Variants in SYTL2 observed in about 807,000 individuals in gnomAD.
SYTL2 encodes the protein synaptotagmin-like protein 2.
Under a neutral mutation model 198.7 loss-of-function variants are expected in SYTL2, and 165 were observed. The observed-to-expected ratio is 0.83, with a 90% CI of 0.73 to 0.94. The LOEUF is 0.94. SYTL2 is among the 40% of genes least tolerant of loss of function. The pLI, the probability that SYTL2 is intolerant of heterozygous loss-of-function variation, is 0.00. For synonymous variants in SYTL2, 966 were observed against 917.7 expected (o/e 1.05, Z -0.95); for missense variants, 2,835 against 2,582.8 (o/e 1.10, Z -2.12).
chr11:85,740,575 T>C lies in SYTL2; in HGVS notation c.390-2919A>G, dbSNP rs575739596. On this transcript the variant is annotated intron_variant, in intron 4 of 19. Transcript: ENST00000359152. ...GCCAGATACTGTGTCTTCTGTTTCT[T>C]AGAATTCCTCTCAGAGGGTAGCAGA... 2.6e-5 allele frequency among the ~76,000 whole-genome samples: 4 copies of C among 152,344 alleles called. No individual in the cohort carries two copies. In the South Asian group the frequency reaches 6.2e-4, roughly 24 times the overall value.
rs144684065 is a variant in SYTL2, at chr11:85,788,458, T to C, written c.-390+22496A>G. Among the ~76,000 whole-genome samples, 165 of 152,286 alleles carry C rather than the reference T, an allele frequency of 1.1e-3. 1 individual carries two copies. Among genetic ancestry groups the C allele is most frequent in the African/African-American group, 3.8e-3 (158 of 41,554 alleles). On this transcript the variant is annotated intron_variant, in intron 1 of 19. Coordinates refer to ENST00000359152, the MANE Select transcript of SYTL2 (RefSeq NM_206927.4). Reference sequence around the variant, plus strand: ...AGTAAATAGCATGTTTTCTATTAGTTGAACCAATTGCTTATAAATATGTTG... The same window carrying C: ...AGTAAATAGCATGTTTTCTATTAGTCGAACCAATTGCTTATAAATATGTTG...
Position 85,725,241 on chromosome 11 carries a change from C to A in SYTL2, c.4117G>T (p.Ala1373Ser), listed in dbSNP as rs767716857. Residue 1373 changes from alanine to serine, a missense_variant, in exon 8 of 20, where the codon GCA becomes TCA. Physicochemically the swap from Ala to Ser is moderately conservative, Grantham distance 99. Around this residue, in one of 3 missense-constraint regions of SYTL2, gnomAD observed 2,645 missense variants for 2,381.7 expected, o/e 1.11. Coordinates refer to ENST00000359152, the MANE Select transcript of SYTL2 (RefSeq NM_206927.4). ...PRPVLNDVSA[A>S]LQKLCGEVWL... ...ACTTCTCCACACAGCTTCTGTAATG[C>A]AGCACTTACATCATTCAATACAGGT... 25 of 1,614,042 alleles carry A rather than the reference C, an allele frequency of 1.5e-5. No individual in the cohort carries two copies. The highest frequency in any genetic ancestry group is 1.9e-5 in the Non-Finnish European group (23 of 1,180,024).
intron 2 of SYTL2, 83 bp downstream of exon 2, chr11:85,757,542 T>C (rs34851708): frequency 1.1e-4 from 161 of 1,475,508 alleles, no homozygotes; most frequent in Non-Finnish European, 1.4e-4. Context: ...CTACCACTTA[T>C]AGTTGAAAAA....
intron 1 of SYTL2, among the ~76,000 whole-genome samples, chr11:85,806,058 T>A (rs1467796521): frequency 6.6e-6 from 1 of 152,262 alleles, no homozygotes; most frequent in Non-Finnish European, 1.5e-5. Flanking sequence ...CTGAGGACAC[T>A]GCACCACATT....
intron 4 of SYTL2, among the ~76,000 whole-genome samples, chr11:85,744,506 T>C (rs2091015296): frequency 6.6e-6 from 1 of 152,124 alleles, no homozygotes; most frequent in African/African-American, 2.4e-5. Flanking sequence ...CCTTTCCAAA[T>C]GGGAAATAGA....
the SYTL2 span, among the ~76,000 whole-genome samples, chr11:85,849,204 G>A: frequency 1.3e-5 from 2 of 152,212 alleles, no homozygotes; most frequent in Non-Finnish European, 2.9e-5. Flanking sequence ...TTTGTCAGAT[G>A]AGTAGGTTGT....
chr11:85,805,213 G>A (rs12286043), intron 1 of SYTL2, among the ~76,000 whole-genome samples: 17,632 of 151,732 alleles, frequency 0.12, 1,364 homozygotes, highest in African/African-American at 0.21. Flanking sequence ...AAAAAGGGCC[G>A]AGTGTGGTGG....
At chr11:85,840,739 T>C in the SYTL2 span, among the ~76,000 whole-genome samples, 1 of 152,054 alleles carries the variant, frequency 6.6e-6, no homozygotes, top group South Asian at 2.1e-4. Flanking sequence ...AAAACTTAAA[T>C]GTAAAACCCA....
At chr11:85,710,678 A>G (rs2086095225) in intron 13 of SYTL2, among the ~76,000 whole-genome samples, 2 of 152,206 alleles carry the variant, frequency 1.3e-5, no homozygotes, top group Non-Finnish European at 2.9e-5. Flanking sequence ...TCTAAAAGGC[A>G]AGGAATTACC....
chr11:85,739,836 T>C (rs1376997355), intron 4 of SYTL2, among the ~76,000 whole-genome samples: 2 of 152,198 alleles, frequency 1.3e-5, no homozygotes, highest in African/African-American at 4.8e-5. Flanking sequence ...TGGTAATGGC[T>C]AGGCTATACT....
chr11:85,703,211 G>A lies in SYTL2; in HGVS notation c.6189+1647C>T, dbSNP rs1379245011. On this transcript the variant is annotated intron_variant, in intron 16 of 19. Transcript: ENST00000359152. ...GAGAGGAGAAAATAGTGGGGCAAAA[G>A]TAATATTTGAAGAAATAGTTGCTGA... 2.6e-5 allele frequency among the ~76,000 whole-genome samples: 4 copies of A among 152,096 alleles called. No homozygotes were observed. The South Asian group carries it at 8.3e-4, about 31-fold the overall frequency.
At chr11:85,744,032 T>A (rs2090984026) in intron 4 of SYTL2, among the ~76,000 whole-genome samples, 1 of 152,166 alleles carries the variant, frequency 6.6e-6, no homozygotes, top group Non-Finnish European at 1.5e-5. Context: ...GACAATATTT[T>A]AGGTCTCATC....
intron 1 of SYTL2, among the ~76,000 whole-genome samples, chr11:85,809,368 G>A (rs1437240564): frequency 6.6e-6 from 1 of 152,168 alleles, no homozygotes; most frequent in Non-Finnish European, 1.5e-5. Context: ...GCTGCTGAGA[G>A]GCTAAGGCAG....
chr11:85,787,664 A>G (rs2092656589), intron 1 of SYTL2, among the ~76,000 whole-genome samples: 1 of 150,390 alleles, frequency 6.6e-6, no homozygotes, highest in South Asian at 2.1e-4. Context: ...TCTCCTCCCC[A>G]ATGGTTTATT....
the SYTL2 span, among the ~76,000 whole-genome samples, chr11:85,826,227 T>A: frequency 2.0e-5 from 3 of 152,220 alleles, no homozygotes; most frequent in African/African-American, 7.2e-5. Context: ...GCACTGCTTA[T>A]GTCAGGATGC....
chr11:85,718,629 A>C, intron 10 of SYTL2, 161 bp downstream of exon 10: 1 of 638,544 alleles, frequency 1.6e-6, no homozygotes, highest in Admixed American at 2.8e-5. Context: ...ACTATATTAA[A>C]TGTACCAAAT....
intron 1 of SYTL2, among the ~76,000 whole-genome samples, chr11:85,807,536 G>T (rs1272856915): frequency 6.6e-6 from 1 of 152,220 alleles, no homozygotes; most frequent in Non-Finnish European, 1.5e-5. Flanking sequence ...GTGGAAACCA[G>T]CTCAGAGAAG....
chr11:85,835,433 T>C, the SYTL2 span, among the ~76,000 whole-genome samples: 1 of 152,252 alleles, frequency 6.6e-6, no homozygotes, highest in Non-Finnish European at 1.5e-5. Context: ...TATTATGCAG[T>C]GTTGAGCCAG....
At chr11:85,704,783 G>A in intron 16 of SYTL2, 75 bp downstream of exon 16, 5 of 1,188,086 alleles carry the variant, frequency 4.2e-6, no homozygotes, top group Middle Eastern at 2.0e-4. Flanking sequence ...TGAATTAAAT[G>A]CAATTAAGCT....
Sources: allele counts gnomAD v4.1 joint callset (sites outside exome capture counted in the v4.1 genomes callset), GRCh38; gene constraint gnomAD v4.1.1; regional missense constraint gnomAD v4.1.1; transcripts MANE v1.5; gene names NCBI Gene and HGNC (gene_info 2026-07-23, HGNC 2026-07-21).